The following SYT7 variants were observed in gnomAD, a reference collection of about 807,000 sequenced individuals.
The protein encoded by SYT7 is synaptotagmin-7.
Under a neutral mutation model 75.1 loss-of-function variants are expected in SYT7, and 29 were observed. The ratio of observed to expected loss-of-function variants is 0.39; its 90% CI spans 0.29 to 0.53. SYT7 has a LOEUF of 0.53. Among genes scored for constraint, SYT7 ranks in the 20% least tolerant of loss-of-function variants. The pLI is 0.77. For synonymous variants in SYT7, 376 were observed against 401.7 expected, an observed-to-expected ratio of 0.94 and a Z score of 0.76; for missense variants, 693 against 953.2, an observed-to-expected ratio of 0.73 and a Z score of 3.59.
intron 3 of SYT7, among the ~76,000 whole-genome samples, chr11:61,548,365 GA>G (rs1221930550): frequency 6.6e-6 from 1 of 152,206 alleles, no homozygotes; most frequent in Non-Finnish European, 1.5e-5. Context: ...AGAACGTGGG[GA>G]CTTGCAGGTG....
At chr11:61,521,977 T>C (rs1455429539) in intron 12 of SYT7, among the ~76,000 whole-genome samples, 3 of 152,164 alleles carry the variant, frequency 2.0e-5, no homozygotes, top group Admixed American at 6.5e-5. Flanking sequence ...AAAATGAGGC[T>C]CAGAGAGGTT....
At chr11:61,528,257 C>A (rs2062590497) in intron 8 of SYT7, 72 bp from the exon 9 acceptor site, 2 of 1,555,298 alleles carry the variant, frequency 1.3e-6, no homozygotes, top group Middle Eastern at 2.0e-4. Flanking sequence ...CGCTGGCTAG[C>A]ACGGGTGAGA....
rs527511394 is a variant in SYT7, at chr11:61,542,509, A to C, written c.643T>G (p.Cys215Gly). The C allele has an allele frequency of 6.5e-6, 10 of 1,531,990 alleles. No homozygotes were observed. The South Asian group carries it at 1.2e-4, about 18-fold the overall frequency. The allele number at this position is 1,531,990 out of a possible 1,614,324, so 94.9% of individuals were successfully genotyped here. A position where few individuals can be genotyped will look rare whatever the true frequency, so the allele number is the denominator to read the frequency against. The change falls in exon 6 of 13, where the codon TGC (cysteine) becomes GGC (glycine). Residue 215 changes from cysteine to glycine, a missense_variant. By Grantham distance (159) the Cys-to-Gly change is radical. Coordinates refer to ENST00000539008, the MANE Select transcript of SYT7 (RefSeq NM_001365809.2). The surrounding 1 kb of genome is among the most constrained non-coding windows in gnomAD (Gnocchi z 7.8). ...SIPSSTGEPK[C>G]QRPRTLMRQQ... ...CGCATCAGGGTGCGGGGTCGCTGGC[A>C]TTTCGGCTCTCCCGTGGAGCTGGGG...
Position 61,551,722 on chromosome 11 carries a change from G to A in SYT7, c.136-259C>T, listed in dbSNP as rs979175784. Among the ~76,000 whole-genome samples, 5 of 152,134 alleles carry A rather than the reference G, an allele frequency of 3.3e-5. No individual in the cohort carries two copies. Among genetic ancestry groups the A allele is most frequent in the Admixed American group, 3.3e-4 (5 of 15,278 alleles). The stretch of plus-strand genomic sequence containing the variant: ...CCGAACCTCATCCCTGACTCCCAGG[G>A]ATCAGCCCCTCCTGTCTGCCTATCT... On this transcript the variant is annotated intron_variant, in intron 2 of 12. Coordinates refer to ENST00000539008, the MANE Select transcript of SYT7 (RefSeq NM_001365809.2). The surrounding 1 kb of genome is among the most constrained non-coding windows in gnomAD (Gnocchi z 5.3).
intron 1 of SYT7, among the ~76,000 whole-genome samples, chr11:61,569,506 C>G (rs2063863332): frequency 6.6e-6 from 1 of 152,086 alleles, no homozygotes; most frequent in Non-Finnish European, 1.5e-5. Flanking sequence ...GGCTCTGGGG[C>G]AGCAGAGGGA....
chr11:61,532,823 C>T (rs755912602), intron 8 of SYT7, among the ~76,000 whole-genome samples, 166 bp downstream of exon 8: 4 of 152,194 alleles, frequency 2.6e-5, no homozygotes, highest in Non-Finnish European at 4.4e-5. Flanking sequence ...AGTCACCAAG[C>T]GCCGAGTGGC....
rs2063192334 is a variant in SYT7 at position 61,546,447 on chromosome 11, G to A, written c.348-192C>T. ...CATGAGACAGACAGAGAGAGAGAGA[G>A]AGACATCAGCACTGCAAATGGGTTA... On this transcript the variant is annotated intron_variant, in intron 4 of 12. Coordinates refer to ENST00000539008, the MANE Select transcript of SYT7 (RefSeq NM_001365809.2). The surrounding 1 kb of genome is among the most constrained non-coding windows in gnomAD (Gnocchi z 7.6). The A allele has an allele frequency of 1.9e-6, 1 of 517,468 alleles. No homozygotes were observed. Among genetic ancestry groups the A allele is most frequent in the Non-Finnish European group, 3.4e-6 (1 of 290,030 alleles). 32.1% of individuals were successfully genotyped at this position (517,468 alleles called of 1,614,324 possible).
At chr11:61,541,332 G>T in intron 6 of SYT7, 6 of 984,658 alleles carry the variant, frequency 6.1e-6, no homozygotes, top group Non-Finnish European at 7.2e-6. Context: ...AAAGGAGGGG[G>T]GTGATGTTGG....
At chr11:61,529,353 G>A (rs1234362648) in intron 8 of SYT7, among the ~76,000 whole-genome samples, 1 of 152,172 alleles carries the variant, frequency 6.6e-6, no homozygotes, top group African/African-American at 2.4e-5. Context: ...GCATCAAGTG[G>A]GCTCTTACCA....
Position 61,524,513 on chromosome 11 carries a change from C to T in SYT7, c.1491G>A (p.Val497=). The part of the protein sequence containing the change: ...FLFEGFPYEK[V]VQRILYLQVL... ...CTTGGAGGTAGAGGATCCTCTGCACCACCTTCTCATAGGGAAAACCTGGGG... is the reference window on the plus strand; with the variant it reads ...CTTGGAGGTAGAGGATCCTCTGCACTACCTTCTCATAGGGAAAACCTGGGG... Residue 497 remains valine (V), a synonymous_variant, in exon 10 of 13, where the codon GTG becomes GTA. Transcript: ENST00000539008. This position sits in a 1 kb window ranked among gnomAD's most constrained non-coding sequence, Gnocchi z 4.1. 1 of 1,599,076 alleles carries T rather than the reference C, an allele frequency of 6.3e-7. No individual in the cohort carries two copies. The highest frequency in any genetic ancestry group is 8.5e-7 in the Non-Finnish European group (1 of 1,171,958).
chr11:61,525,548 CAG>C (rs2062489279), intron 9 of SYT7, among the ~76,000 whole-genome samples: 1 of 152,154 alleles, frequency 6.6e-6, no homozygotes, highest in Non-Finnish European at 1.5e-5. Flanking sequence ...CCTGGCACCC[CAG>C]AGAGTGTCGG....
At chr11:61,552,284 T>A (rs1458227647) in intron 2 of SYT7, among the ~76,000 whole-genome samples, 1 of 152,070 alleles carries the variant, frequency 6.6e-6, no homozygotes, top group Non-Finnish European at 1.5e-5. Flanking sequence ...CCTAGCCCCA[T>A]TAACATTCCT....
chr11:61,573,925 G>A (rs535154028), intron 1 of SYT7, among the ~76,000 whole-genome samples: 72 of 152,366 alleles, frequency 4.7e-4, no homozygotes, highest in African/African-American at 1.7e-3. Flanking sequence ...CTGCAAGTTC[G>A]CACTTCCCAA....
chr11:61,541,520 T>C (rs2063041929), intron 6 of SYT7, among the ~76,000 whole-genome samples: 1 of 152,162 alleles, frequency 6.6e-6, no homozygotes, highest in Admixed American at 6.5e-5. Flanking sequence ...TAGACCTATA[T>C]ACTTGAAAGA....
chr11:61,520,368 A>G (rs996131754), intron 12 of SYT7, among the ~76,000 whole-genome samples: 12 of 152,044 alleles, frequency 7.9e-5, no homozygotes, highest in Non-Finnish European at 1.6e-4. Context: ...TACAAAAAAT[A>G]CAAAAAAATT....
chr11:61,533,207 C>G (rs992205768), intron 7 of SYT7, 83 bp from the exon 8 acceptor site: 9 of 1,488,564 alleles, frequency 6.0e-6, no homozygotes, highest in Admixed American at 4.4e-5. Context: ...GCAGGACCTT[C>G]TCTGAAGACC....
intron 1 of SYT7, among the ~76,000 whole-genome samples, chr11:61,579,652 T>TTCAGGAGCC (rs2064187889): frequency 1.3e-5 from 2 of 152,222 alleles, no homozygotes; most frequent in African/African-American, 4.8e-5. Flanking sequence ...CTGGACTGCC[T>TTCAGGAGCC]TCAGGAGCCT....
intron 2 of SYT7, among the ~76,000 whole-genome samples, chr11:61,552,585 A>G (rs936613266): frequency 2.6e-5 from 4 of 152,204 alleles, no homozygotes; most frequent in African/African-American, 4.8e-5. Context: ...TCTAAAGCAG[A>G]GTAAGAGCTG....
chr11:61,578,133 G>T (rs1217899635), intron 1 of SYT7, among the ~76,000 whole-genome samples: 1 of 152,186 alleles, frequency 6.6e-6, no homozygotes, highest in Non-Finnish European at 1.5e-5. Flanking sequence ...GCTGGTCTGG[G>T]TTCTTCACTG....
Sources: gnomAD v4.1 joint callset for allele counts (sites outside exome capture counted in the v4.1 genomes callset) on GRCh38, gnomAD v4.1.1 for gene constraint, Gnocchi (gnomAD v3.1) non-coding constraint, MANE v1.5 for transcripts, NCBI Gene and HGNC (gene_info 2026-07-23, HGNC 2026-07-21) for gene names.